CUBN: variants seen among roughly 807,000 people sequenced by gnomAD.
CUBN encodes 460 kDa receptor.
Under a neutral mutation model 405.3 loss-of-function variants are expected in CUBN, and 282 were observed. The ratio of observed to expected loss-of-function variants is 0.70; its 90% CI spans 0.63 to 0.77. CUBN has a LOEUF of 0.77. Ranked by LOEUF, CUBN falls within the 30% of genes least tolerant of loss-of-function variation. The pLI is 0.00. For synonymous variants in CUBN, 1,684 were observed against 1,617.0 expected (o/e 1.04, Z -0.99); for missense variants, 4,514 against 4,475.2 (o/e 1.01, Z -0.25).
rs767579222 is a variant in CUBN, at chr10:16,952,277, T to C, written c.4968A>G (p.Pro1656=). The C allele has an allele frequency of 6.2e-7, 1 of 1,607,408 alleles. No individual in the cohort carries two copies. The highest frequency in any genetic ancestry group is 1.1e-5 in the South Asian group (1 of 90,912). The change falls in exon 33 of 67, where the codon CCA becomes CCG. Residue 1656 remains proline (P), a splice_region_variant and synonymous_variant. Transcript: ENST00000377833. The stretch of plus-strand genomic sequence containing the variant: ...TTCTTTTTCATTTTTGTTACTTACA[T>C]GGAGGTTGCGCTTGAATGATCCAGC... ...NCSWIIQAQP[P]LNHITLSFTH...
At chr10:16,958,562 A>G (rs141506850) in intron 31 of CUBN, among the ~76,000 whole-genome samples, 1 of 152,310 alleles carries the variant, frequency 6.6e-6, no homozygotes, top group African/African-American at 2.4e-5. Flanking sequence ...CGGAATTCAA[A>G]TTATATACCA....
At chr10:17,048,612 G>A (rs897825550) in intron 22 of CUBN, among the ~76,000 whole-genome samples, 1 of 151,898 alleles carries the variant, frequency 6.6e-6, no homozygotes, top group Non-Finnish European at 1.5e-5. Context: ...CCAGCAGCTG[G>A]GACTACAAGC....
intron 28 of CUBN, among the ~76,000 whole-genome samples, chr10:17,007,717 C>A (rs569094205): frequency 6.6e-6 from 1 of 152,102 alleles, no homozygotes; most frequent in African/African-American, 2.4e-5. Flanking sequence ...GGCCAGGGCA[C>A]GAAGAGCAAC....
intron 10 of CUBN, among the ~76,000 whole-genome samples, chr10:17,108,681 A>AGCC (rs1836696178): frequency 6.6e-6 from 1 of 152,192 alleles, no homozygotes; most frequent in Admixed American, 6.5e-5. Flanking sequence ...CAGTAAAGAA[A>AGCC]GCCTTCCTAA....
chr10:16,828,663 A>C lies in CUBN; in HGVS notation c.10764+142T>G, dbSNP rs996041672. 10 of 699,258 alleles carry C rather than the reference A, an allele frequency of 1.4e-5. No individual in the cohort carries two copies. The African/African-American group carries it at 1.8e-4, about 12-fold the overall frequency. 43.3% of individuals were successfully genotyped at this position (699,258 alleles called of 1,614,324 possible). A position where few individuals can be genotyped will look rare whatever the true frequency, so the allele number is the denominator to read the frequency against. ...AACCCAGGAGGCGGAGGTTGCAGTG[A>C]GTTGAGATTGCGCGCACCACTGCAC... On this transcript the variant is annotated intron_variant, in intron 66 of 66. Transcript: ENST00000377833.
chr10:17,082,262 A>C (rs1835989952), intron 17 of CUBN, among the ~76,000 whole-genome samples: 1 of 152,214 alleles, frequency 6.6e-6, no homozygotes, highest in Admixed American at 6.5e-5. Flanking sequence ...CAGATAAAGA[A>C]TTGTCCAAGG....
At chr10:16,849,985 C>T (rs1424931296) in intron 60 of CUBN, among the ~76,000 whole-genome samples, 1 of 152,226 alleles carries the variant, frequency 6.6e-6, no homozygotes. Flanking sequence ...TCTTGCTACT[C>T]TTTAGCACTA....
chr10:17,087,472 C>CTTTTTTTTTTTTTTTTTTTTTTTTTTTT (rs775573918), intron 15 of CUBN, among the ~76,000 whole-genome samples: 5 of 71,712 alleles, frequency 7.0e-5, no homozygotes, highest in Non-Finnish European at 7.9e-5. Context: ...TTTTCTTTTT[C>CTTTTTTTTTTTTTTTTTTTTTTTTTTTT]TTTTTTTTTT....
intron 31 of CUBN, among the ~76,000 whole-genome samples, chr10:16,967,869 C>CAGGGAGAGAGAGAGAAGGAGAGAG (rs1843441421): frequency 2.8e-5 from 3 of 105,960 alleles, no homozygotes; most frequent in Admixed American, 9.5e-5. Context: ...GAAGGAGAGA[C>CAGGGAGAGAGAGAGAAGGAGAGAG]AGGGAGAGAG....
At chr10:17,075,340 T>C (rs1397027609) in intron 17 of CUBN, among the ~76,000 whole-genome samples, 1 of 151,998 alleles carries the variant, frequency 6.6e-6, no homozygotes, top group Non-Finnish European at 1.5e-5. Context: ...TGCCTTGGCC[T>C]CCTAAAGTGC....
At chr10:16,995,446 T>C (rs1833706816) in intron 28 of CUBN, among the ~76,000 whole-genome samples, 2 of 152,226 alleles carry the variant, frequency 1.3e-5, no homozygotes, top group Non-Finnish European at 2.9e-5. Flanking sequence ...TAGCTAAATG[T>C]TGTGCATATC....
Position 16,947,360 on chromosome 10 carries a change from A to G in CUBN, c.5217T>C (p.Gly1739=), listed in dbSNP as rs774168375. 7 of 1,614,128 alleles carry G rather than the reference A, an allele frequency of 4.3e-6. No individual in the cohort carries two copies. The highest frequency in any genetic ancestry group is 2.2e-5 in the East Asian group (1 of 44,876). ...TTVTASVSAC[G]GTFYMAEGIF... is the part of the protein sequence containing the mutation. ...TGCCTTCAGCCATGTAGAACGTTCCACCACAAGCTGGAAGAAAATAGAAAT... is the reference window on the plus strand; with the variant it reads ...TGCCTTCAGCCATGTAGAACGTTCCGCCACAAGCTGGAAGAAAATAGAAAT... Residue 1739 remains glycine (G), a synonymous_variant, in exon 36 of 67, where the codon GGT becomes GGC. Coordinates refer to ENST00000377833, the MANE Select transcript of CUBN (RefSeq NM_001081.4).
chr10:16,910,447 T>G (rs920153078), intron 48 of CUBN, among the ~76,000 whole-genome samples: 2 of 152,180 alleles, frequency 1.3e-5, no homozygotes, highest in African/African-American at 2.4e-5. Flanking sequence ...AACTAAAGAC[T>G]CAGAAGAAAA....
chr10:17,061,434 T>C (rs1835502752), intron 22 of CUBN, among the ~76,000 whole-genome samples: 1 of 152,200 alleles, frequency 6.6e-6, no homozygotes, highest in South Asian at 2.1e-4. Context: ...AAATTCCTTA[T>C]GAACACTAGA....
At chr10:17,012,556 CT>C (rs1239389487) in intron 28 of CUBN, among the ~76,000 whole-genome samples, 1 of 152,176 alleles carries the variant, frequency 6.6e-6, no homozygotes, top group Non-Finnish European at 1.5e-5. Flanking sequence ...CTGAGAAATG[CT>C]TTGAGAGTGT....
At chr10:16,933,489 C>A (rs1027840375) in intron 39 of CUBN, among the ~76,000 whole-genome samples, 17 of 152,240 alleles carry the variant, frequency 1.1e-4, no homozygotes, top group African/African-American at 4.1e-4. Flanking sequence ...AAAAAAAATG[C>A]ATTGTGTTCT....
intron 31 of CUBN, among the ~76,000 whole-genome samples, chr10:16,975,099 C>G (rs1258736872): frequency 6.6e-6 from 1 of 152,174 alleles, no homozygotes; most frequent in East Asian, 1.9e-4. Flanking sequence ...TGACCCTAAT[C>G]CCAGCATTGT....
intron 36 of CUBN, among the ~76,000 whole-genome samples, chr10:16,943,841 G>A (rs1011065580): frequency 6.6e-6 from 1 of 152,194 alleles, no homozygotes. Flanking sequence ...CTAAGTACTT[G>A]ACTACTGCAA....
At chr10:17,117,170 CTCATAT>C (rs1324522987) in intron 6 of CUBN, among the ~76,000 whole-genome samples, 1 of 151,986 alleles carries the variant, frequency 6.6e-6, no homozygotes, top group Non-Finnish European at 1.5e-5. Context: ...TACTTTCCTT[CTCATAT>C]TGTTTTCTTT....
Sources: gnomAD v4.1 joint callset for allele counts (sites outside exome capture counted in the v4.1 genomes callset) on GRCh38, gnomAD v4.1.1 for gene constraint, MANE v1.5 for transcripts, NCBI Gene and HGNC (gene_info 2026-07-23, HGNC 2026-07-21) for gene names.